Variants in HACE1 observed in about 807,000 individuals in gnomAD.
HACE1 encodes the protein HECT domain and ankyrin repeat containing E3 ubiquitin protein ligase 1, also known as E3 ubiquitin-protein ligase HACE1.
A neutral mutation model predicts 118.4 loss-of-function variants in HACE1; 73 were observed. That is an observed-to-expected ratio of 0.62 (90% CI 0.51 to 0.75). The LOEUF is 0.75. Ranked by LOEUF, HACE1 falls within the 30% of genes least tolerant of loss-of-function variation. The pLI is 0.00. For missense variants in HACE1, 749 were observed against 1,102.2 expected (o/e 0.68, Z 4.54); for synonymous variants, 368 against 374.8 (o/e 0.98, Z 0.21).
At position 104,771,966 on chromosome 6, in the gene HACE1, A is replaced by C; in HGVS notation, c.1973T>G (p.Val658Gly). 4 of 1,608,568 alleles carry C rather than the reference A, an allele frequency of 2.5e-6. No individual in the cohort carries two copies. Among genetic ancestry groups the C allele is most frequent in the Non-Finnish European group, 3.4e-6 (4 of 1,175,058 alleles). Residue 658 changes from valine to glycine, a missense_variant, in exon 18 of 24, where the codon GTC becomes GGC. Around this residue, in one of 5 missense-constraint regions of HACE1, gnomAD observed 195 missense variants for 322.1 expected, o/e 0.61. Coordinates refer to ENST00000262903, the MANE Select transcript of HACE1 (RefSeq NM_020771.4). The stretch of plus-strand genomic sequence containing the variant: ...GAAGGATCGTGTGAAGTAAATATTG[A>C]CCAGCTGCCTGTGGTTCAACGCTAA... The part of the protein sequence containing the change: ...LGLALNHRQL[V>G]NIYFTRSFYK...
At chr6:104,784,056 T>C (rs932404618) in intron 14 of HACE1, 30 bp downstream of exon 14, 1 of 1,053,982 alleles carries the variant, frequency 9.5e-7, no homozygotes, top group Non-Finnish European at 1.5e-6. Flanking sequence ...TTTCATTAGA[T>C]AGAATAAAAA....
intron 6 of HACE1, among the ~76,000 whole-genome samples, chr6:104,812,135 T>G (rs941735233): frequency 4.6e-5 from 7 of 151,988 alleles, no homozygotes; most frequent in Non-Finnish European, 7.4e-5. Context: ...AAAAAAACTT[T>G]CATGGTTTTA....
chr6:104,857,655 A>C (rs560924689), intron 1 of HACE1, among the ~76,000 whole-genome samples: 1 of 149,330 alleles, frequency 6.7e-6, no homozygotes, highest in Non-Finnish European at 1.5e-5. Flanking sequence ...GAAGAATACA[A>C]AAAAAAAAAA....
At chr6:104,745,126 C>T (rs1421563231) in intron 20 of HACE1, among the ~76,000 whole-genome samples, 2 of 151,946 alleles carry the variant, frequency 1.3e-5, no homozygotes, top group Non-Finnish European at 2.9e-5. Context: ...AGATTTAGGC[C>T]TTTTAGGAAT....
intron 22 of HACE1, among the ~76,000 whole-genome samples, chr6:104,743,288 T>C (rs1408491165): frequency 6.6e-6 from 1 of 151,296 alleles, no homozygotes; most frequent in Non-Finnish European, 1.5e-5. Context: ...AATGTGCACA[T>C]GTACCCTAAA....
intron 14 of HACE1, among the ~76,000 whole-genome samples, chr6:104,777,823 G>A (rs898980280): frequency 6.6e-6 from 1 of 152,138 alleles, no homozygotes; most frequent in African/African-American, 2.4e-5. Context: ...GCAGTGGCAC[G>A]ATCTCTGCTC....
intron 9 of HACE1, 49 bp downstream of exon 9, chr6:104,796,606 G>T: frequency 2.2e-6 from 2 of 920,032 alleles, no homozygotes; most frequent in Non-Finnish European, 1.8e-6. Flanking sequence ...TATATGCTGA[G>T]CAGGAATAAA....
At chr6:104,839,938 G>A (rs201527620) in intron 5 of HACE1, among the ~76,000 whole-genome samples, 20 of 152,214 alleles carry the variant, frequency 1.3e-4, no homozygotes, top group Admixed American at 2.0e-4. Flanking sequence ...CCCAGGAGGC[G>A]GAGGTTGCAG....
chr6:104,812,910 T>C (rs1026340666), intron 6 of HACE1, among the ~76,000 whole-genome samples: 2 of 152,144 alleles, frequency 1.3e-5, no homozygotes, highest in Admixed American at 1.3e-4. Flanking sequence ...TTAGTTACTA[T>C]CCCTCTTTAC....
At chr6:104,795,554 T>C (rs1769525007) in intron 10 of HACE1, 25 bp downstream of exon 10, 1 of 1,314,250 alleles carries the variant, frequency 7.6e-7, no homozygotes, top group Non-Finnish European at 1.1e-6. Context: ...TACCTATTGA[T>C]TTCCTCTTAT....
At position 104,772,029 on chromosome 6, in the gene HACE1, T is replaced by C; in HGVS notation, c.1910A>G (p.His637Arg). Residue 637 changes from histidine to arginine, a missense_variant, in exon 18 of 24, where the codon CAC (histidine) becomes CGC (arginine). His to Arg is a conservative substitution (Grantham distance 29). Coordinates refer to ENST00000262903, the MANE Select transcript of HACE1 (RefSeq NM_020771.4). ...PNSNSYVNPD[H>R]LNYFRFAGQI... ...CCCAGCAAACCGAAAATAGTTCAAG[T>C]GATCAGGATTTACATAAGAGTTGCT... The C allele has an allele frequency of 6.2e-7, 1 of 1,607,978 alleles. No homozygotes were observed. The highest frequency in any genetic ancestry group is 8.5e-7 in the Non-Finnish European group (1 of 1,174,582).
In HACE1 at chr6:104,851,000, T is replaced by C; in HGVS notation, c.132-4A>G. 6.5e-7 allele frequency: 1 copy of C among 1,550,310 alleles called. No homozygotes were observed. Among genetic ancestry groups the C allele is most frequent in the South Asian group, 1.1e-5 (1 of 89,872 alleles). ...TGATAGTAGTTCAGAAACAGACCTATGCCAAAATAAAAATGAGGAATCAAG... is the reference window on the plus strand; with the variant it reads ...TGATAGTAGTTCAGAAACAGACCTACGCCAAAATAAAAATGAGGAATCAAG... On this transcript the variant is annotated splice_polypyrimidine_tract_variant and splice_region_variant and intron_variant, in intron 2 of 23. Coordinates refer to ENST00000262903, the MANE Select transcript of HACE1 (RefSeq NM_020771.4).
At chr6:104,827,404 T>C (rs1773446733) in intron 6 of HACE1, among the ~76,000 whole-genome samples, 1 of 152,172 alleles carries the variant, frequency 6.6e-6, no homozygotes, top group South Asian at 2.1e-4. Flanking sequence ...CCCAACTCAC[T>C]AATCAGTGAC....
chr6:104,796,650 A>G lies in HACE1; in HGVS notation c.816+5T>C, dbSNP rs763808488. On this transcript the variant is annotated splice_donor_5th_base_variant and intron_variant, in intron 9 of 23. Transcript: ENST00000262903. ...ATTTACAAGCTACTATCACAAATACAATACCATGTTTTCTCGGAGGTCTTC... is the reference window on the plus strand; with the variant it reads ...ATTTACAAGCTACTATCACAAATACGATACCATGTTTTCTCGGAGGTCTTC... The G allele has an allele frequency of 3.0e-6, 4 of 1,324,478 alleles. No homozygotes were observed. The highest frequency in any genetic ancestry group is 3.3e-6 in the Non-Finnish European group (3 of 918,096). The allele number at this position is 1,324,478 out of a possible 1,614,324, so 82.0% of individuals were successfully genotyped here.
At chr6:104,816,822 G>C (rs980142408) in intron 6 of HACE1, among the ~76,000 whole-genome samples, 2 of 152,198 alleles carry the variant, frequency 1.3e-5, no homozygotes. Context: ...TGAGCCACAG[G>C]GGTGGAGCTA....
intron 19 of HACE1, among the ~76,000 whole-genome samples, chr6:104,750,855 C>T (rs2114565690): frequency 6.6e-6 from 1 of 152,264 alleles, no homozygotes; most frequent in East Asian, 1.9e-4. Context: ...TTCTCCACAT[C>T]TTAGCCAGAG....
chr6:104,781,781 C>G (rs1230396958), intron 14 of HACE1, among the ~76,000 whole-genome samples: 1 of 152,024 alleles, frequency 6.6e-6, no homozygotes, highest in African/African-American at 2.4e-5. Context: ...CACACTGGGA[C>G]CCTCTTCTAC....
At chr6:104,833,016 C>T in intron 6 of HACE1, 26 bp downstream of exon 6, 1 of 1,605,880 alleles carries the variant, frequency 6.2e-7, no homozygotes, top group Non-Finnish European at 8.5e-7. Flanking sequence ...ACACATGCAG[C>T]TTAAAGTCCT....
chr6:104,811,188 G>A, intron 7 of HACE1, 123 bp downstream of exon 7: 1 of 207,536 alleles, frequency 4.8e-6, no homozygotes. Flanking sequence ...ACAGAAACGT[G>A]TGTGTCTAGA....
Sources: allele counts gnomAD v4.1 joint callset (sites outside exome capture counted in the v4.1 genomes callset), GRCh38; gene constraint gnomAD v4.1.1; regional missense constraint gnomAD v4.1.1; transcripts MANE v1.5; gene names NCBI Gene and HGNC (gene_info 2026-07-23, HGNC 2026-07-21).